STAU2: variants seen among roughly 807,000 people sequenced by gnomAD.
The protein encoded by STAU2 is staufen double-stranded RNA binding protein 2, also known as double-stranded RNA-binding protein Staufen homolog 2.
In STAU2, 20 loss-of-function variants were observed where a neutral mutation model predicts 65.9. That is an observed-to-expected ratio of 0.30 (90% CI 0.21 to 0.44). The LOEUF is 0.44. STAU2 is among the 20% of genes least tolerant of loss of function. The pLI, the probability that STAU2 is intolerant of heterozygous loss-of-function variation, is 1.00. For missense variants in STAU2, 558 were observed against 683.9 expected (o/e 0.82, Z 2.05); for synonymous variants, 232 against 233.9 (o/e 0.99, Z 0.07).
chr8:73,459,606 C>T (rs1018778869), intron 13 of STAU2, among the ~76,000 whole-genome samples: 21 of 152,142 alleles, frequency 1.4e-4, no homozygotes, highest in African/African-American at 5.1e-4. Flanking sequence ...TCCGCGAAGA[C>T]CTCAACCAGC....
chr8:73,603,654 C>T, intron 10 of STAU2, 72 bp downstream of exon 10: 1 of 1,542,974 alleles, frequency 6.5e-7, no homozygotes, highest in Non-Finnish European at 8.7e-7. Flanking sequence ...CCTAGTTTGC[C>T]TTTCGCCCAA....
chr8:73,508,987 CAT>C (rs1490038510), intron 13 of STAU2, among the ~76,000 whole-genome samples: 2 of 152,126 alleles, frequency 1.3e-5, no homozygotes, highest in African/African-American at 2.4e-5. Context: ...TTCCTGTAAA[CAT>C]ATGTTTATTT....
intron 13 of STAU2, among the ~76,000 whole-genome samples, chr8:73,503,615 G>T (rs758043600): frequency 2.6e-5 from 4 of 151,392 alleles, no homozygotes; most frequent in Admixed American, 2.6e-4. Flanking sequence ...TTTGTTGAAT[G>T]GATAAATGAA....
chr8:73,426,219 G>T (rs917235072), intron 13 of STAU2, among the ~76,000 whole-genome samples: 2 of 151,824 alleles, frequency 1.3e-5, no homozygotes, highest in Non-Finnish European at 2.9e-5. Flanking sequence ...CATGGGGTGG[G>T]TAACAATGTT....
At chr8:73,582,943 T>C in intron 11 of STAU2, 113 bp from the exon 12 acceptor site, 1 of 840,188 alleles carries the variant, frequency 1.2e-6, no homozygotes, top group Non-Finnish European at 1.9e-6. Context: ...TTATTCTGCA[T>C]ATTATCTCTA....
chr8:73,684,474 G>A (rs538901784), intron 5 of STAU2, among the ~76,000 whole-genome samples: 1 of 152,142 alleles, frequency 6.6e-6, no homozygotes, highest in Non-Finnish European at 1.5e-5. Flanking sequence ...ATGGATCAAA[G>A]ACTTAAATCA....
chr8:73,690,190 G>A (rs1365828682), intron 4 of STAU2, among the ~76,000 whole-genome samples: 3 of 151,716 alleles, frequency 2.0e-5, no homozygotes, highest in African/African-American at 4.8e-5. Context: ...TTAGCCAGAC[G>A]TGGTGGCGGG....
At chr8:73,729,375 C>A (rs926755284) in intron 3 of STAU2, among the ~76,000 whole-genome samples, 1 of 152,088 alleles carries the variant, frequency 6.6e-6, no homozygotes, top group African/African-American at 2.4e-5. Flanking sequence ...TTTCGCATTA[C>A]GTCTTTGTTT....
intron 3 of STAU2, among the ~76,000 whole-genome samples, chr8:73,710,854 G>A (rs573542797): frequency 2.6e-5 from 4 of 151,908 alleles, no homozygotes; most frequent in African/African-American, 9.6e-5. Context: ...TACTTAAAAT[G>A]AATGAAAATG....
chr8:73,568,996 G>A (rs1306625300), intron 12 of STAU2, among the ~76,000 whole-genome samples: 3 of 152,004 alleles, frequency 2.0e-5, no homozygotes, highest in Non-Finnish European at 2.9e-5. Context: ...TGCAGCACAC[G>A]GAGCAGGGTG....
chr8:73,485,827 C>T (rs1003691267), intron 13 of STAU2, among the ~76,000 whole-genome samples: 1 of 152,008 alleles, frequency 6.6e-6, no homozygotes, highest in African/African-American at 2.4e-5. Context: ...CAATGGGACC[C>T]TATCTCAAAC....
chr8:73,696,295 C>T (rs73689029), intron 4 of STAU2, among the ~76,000 whole-genome samples: 30,657 of 151,934 alleles, frequency 0.2, 3,408 homozygotes, highest in East Asian at 0.36. Context: ...CTGAAGACTA[C>T]AATAAATACC....
intron 3 of STAU2, among the ~76,000 whole-genome samples, chr8:73,712,573 T>C (rs1367571681): frequency 1.3e-5 from 2 of 152,162 alleles, no homozygotes; most frequent in African/African-American, 2.4e-5. Context: ...AACAGTGACA[T>C]AAAAAGTCAT....
intron 4 of STAU2, 119 bp from the exon 5 acceptor site, chr8:73,688,932 C>T: frequency 8.6e-7 from 1 of 1,157,736 alleles, no homozygotes; most frequent in Non-Finnish European, 1.2e-6. Flanking sequence ...GGTGACCTTA[C>T]CTACAGATCA....
intron 13 of STAU2, among the ~76,000 whole-genome samples, chr8:73,508,351 A>T (rs1182450569): frequency 6.6e-6 from 1 of 152,158 alleles, no homozygotes; most frequent in Non-Finnish European, 1.5e-5. Flanking sequence ...CTCAGGGAAT[A>T]GGGAGGCCTG....
At chr8:73,473,351 T>C (rs1820136919) in intron 13 of STAU2, among the ~76,000 whole-genome samples, 1 of 152,094 alleles carries the variant, frequency 6.6e-6, no homozygotes, top group South Asian at 2.1e-4. Flanking sequence ...AATATTTCTG[T>C]CAAAAAAATG....
At chr8:73,574,246 T>C (rs993400210) in intron 12 of STAU2, among the ~76,000 whole-genome samples, 2 of 152,054 alleles carry the variant, frequency 1.3e-5, no homozygotes, top group African/African-American at 4.8e-5. Flanking sequence ...AATTAAAAAG[T>C]CAGGAAACAA....
intron 13 of STAU2, 93 bp downstream of exon 13, chr8:73,551,919 C>G: frequency 7.0e-7 from 1 of 1,434,280 alleles, no homozygotes; most frequent in Non-Finnish European, 9.2e-7. Context: ...GTAGGCCATA[C>G]TAGCAGGCAA....
intron 4 of STAU2, among the ~76,000 whole-genome samples, chr8:73,702,459 A>C (rs1026608869): frequency 2.0e-5 from 3 of 152,172 alleles, no homozygotes; most frequent in African/African-American, 7.2e-5. Context: ...ATTTTGGTAC[A>C]TGCAACATAC....
Sources: allele counts gnomAD v4.1 joint callset (sites outside exome capture counted in the v4.1 genomes callset), GRCh38; gene constraint gnomAD v4.1.1; transcripts MANE v1.5; gene names NCBI Gene and HGNC (gene_info 2026-07-23, HGNC 2026-07-21).